BATF: variants seen among roughly 807,000 people sequenced by gnomAD.
The protein encoded by BATF is basic leucine zipper ATF-like transcription factor.
BATF carries 5 observed loss-of-function variants against 13.7 expected under a neutral mutation model. That is an observed-to-expected ratio of 0.36 (90% CI 0.19 to 0.77). The LOEUF (loss-of-function observed/expected upper bound fraction) is 0.77. Among genes scored for constraint, BATF ranks in the 30% least tolerant of loss-of-function variants. BATF has a pLI of 0.51. For synonymous variants in BATF, 72 were observed against 67.5 expected, an observed-to-expected ratio of 1.07 and a Z score of -0.33; for missense variants, 124 against 163.0, an observed-to-expected ratio of 0.76 and a Z score of 1.30.
intron 2 of BATF, among the ~76,000 whole-genome samples, chr14:75,542,022 A>T (rs1887903586): frequency 6.6e-6 from 1 of 151,788 alleles, no homozygotes; most frequent in Admixed American, 6.6e-5. Flanking sequence ...TCTCGGGGGA[A>T]GCAGTCAGTG....
intron 1 of BATF, among the ~76,000 whole-genome samples, chr14:75,524,052 A>C (rs1470511680): frequency 6.6e-6 from 1 of 152,152 alleles, no homozygotes; most frequent in Non-Finnish European, 1.5e-5. Flanking sequence ...TGGTGAGCCC[A>C]GTACTTAGTG....
chr14:75,537,514 A>C (rs935384446), intron 2 of BATF, among the ~76,000 whole-genome samples: 4 of 152,258 alleles, frequency 2.6e-5, no homozygotes, highest in Non-Finnish European at 2.9e-5. Context: ...CACTGAGAAC[A>C]AAACAGTGAA....
At chr14:75,535,896 T>C (rs912596069) in intron 2 of BATF, among the ~76,000 whole-genome samples, 1 of 152,166 alleles carries the variant, frequency 6.6e-6, no homozygotes, top group Non-Finnish European at 1.5e-5. Flanking sequence ...AAAAGGGTAC[T>C]CAGCTGGCAT....
At chr14:75,545,216 AT>A (rs1308374899) in intron 2 of BATF, among the ~76,000 whole-genome samples, 7 of 151,332 alleles carry the variant, frequency 4.6e-5, no homozygotes, top group African/African-American at 1.7e-4. Context: ...TATTTATTTC[AT>A]TTTTATTTTT....
chr14:75,526,074 A>G (rs947375086), intron 2 of BATF, among the ~76,000 whole-genome samples: 1 of 152,182 alleles, frequency 6.6e-6, no homozygotes, highest in Non-Finnish European at 1.5e-5. Context: ...ATTTTTCTAG[A>G]GAAAGCTTTT....
At chr14:75,530,729 G>A (rs577062304) in intron 2 of BATF, among the ~76,000 whole-genome samples, 19 of 151,886 alleles carry the variant, frequency 1.3e-4, no homozygotes, top group African/African-American at 4.6e-4. Context: ...GGCTGGTCTC[G>A]AACTCCTGAG....
At chr14:75,539,546 G>A (rs1887866621) in intron 2 of BATF, among the ~76,000 whole-genome samples, 1 of 140,924 alleles carries the variant, frequency 7.1e-6, no homozygotes, top group Non-Finnish European at 1.5e-5. Flanking sequence ...TTTCACATTT[G>A]AGGGCAATGA....
Position 75,546,625 on chromosome 14 carries a change from A to T in BATF, c.332A>T (p.His111Leu). 1 of 1,613,070 alleles carries T rather than the reference A, an allele frequency of 6.2e-7. No homozygotes were observed. Among genetic ancestry groups the T allele is most frequent in the Non-Finnish European group, 8.5e-7 (1 of 1,179,592 alleles). ...CCCCCCGAGGTGGTGTACAGCGCCC[A>T]CGCATTCCACCAACCTCATGTCAGC... Reference protein sequence around the residue: ...PSPPEVVYSAHAFHQPHVSSP... With the variant: ...PSPPEVVYSALAFHQPHVSSP... The change falls in exon 3 of 3, where the codon CAC (histidine) becomes CTC (leucine). Residue 111 changes from histidine (H) to leucine (L), a missense_variant. This residue lies in a region of BATF where 59 missense variants were observed against 49.7 expected (regional missense o/e 1.19). Coordinates refer to ENST00000286639, the MANE Select transcript of BATF (RefSeq NM_006399.5).
chr14:75,522,594 C>A lies in BATF; in HGVS notation c.-89C>A. 6.6e-7 allele frequency: 1 copy of A among 1,507,786 alleles called. No individual in the cohort carries two copies. The highest frequency in any genetic ancestry group is 9.2e-7 in the Non-Finnish European group (1 of 1,086,474). 93.4% of individuals were successfully genotyped at this position (1,507,786 alleles called of 1,614,324 possible). ...CTGTAGGGGGTGGTGGGCTGGTGGC[C>A]CAGGAGAAGTCAGGAAGGGAGCCCA... On this transcript the variant is annotated 5_prime_UTR_variant, in exon 1 of 3. Transcript: ENST00000286639.
rs571955330 is a variant in BATF, at chr14:75,533,919, CTT to C, written c.168+8733_168+8734del. On this transcript the variant is annotated intron_variant, in intron 2 of 2. Coordinates refer to ENST00000286639, the MANE Select transcript of BATF (RefSeq NM_006399.5). ...ACCAGTCTGCTTTTGTTTCATGCCACTTTGCTGAACAGAGCTTTACTAGGCAG... is the reference window on the plus strand; with the variant it reads ...ACCAGTCTGCTTTTGTTTCATGCCACTGCTGAACAGAGCTTTACTAGGCAG... Among the ~76,000 whole-genome samples the C allele has an allele frequency of 3.5e-4, 53 of 152,274 alleles. No individual in the cohort carries two copies. The East Asian group carries it at 9.8e-3, about 28-fold the overall frequency.
chr14:75,540,066 C>T (rs1419369049), intron 2 of BATF, among the ~76,000 whole-genome samples: 1 of 152,120 alleles, frequency 6.6e-6, no homozygotes, highest in Admixed American at 6.5e-5. Context: ...AGAAAATACA[C>T]AGGGACTATT....
chr14:75,522,500 T>TC lies in BATF; in HGVS notation c.-180dup. On this transcript the variant is annotated 5_prime_UTR_variant, in exon 1 of 3. An upstream open reading frame in the 5' UTR loses its in-frame stop. Transcript: ENST00000286639. ...AGCGACATGTCCCTTTGGGGAGCAGTCCCTCTGCACCCCAGAGTGAGGAGG... is the reference window on the plus strand; with the variant it reads ...AGCGACATGTCCCTTTGGGGAGCAGTCCCCTCTGCACCCCAGAGTGAGGAGG... 3.3e-6 allele frequency: 2 copies of TC among 605,292 alleles called. No individual in the cohort carries two copies. Among genetic ancestry groups the TC allele is most frequent in the South Asian group, 2.0e-5 (1 of 50,192 alleles). The allele number at this position is 605,292 out of a possible 1,614,324, so 37.5% of individuals were successfully genotyped here.
At chr14:75,542,206 C>T (rs538335338) in intron 2 of BATF, among the ~76,000 whole-genome samples, 2 of 152,318 alleles carry the variant, frequency 1.3e-5, no homozygotes, top group Middle Eastern at 3.4e-3. Context: ...GGGTATGTGG[C>T]ATAGGTTTGT....
chr14:75,543,434 G>C (rs1228406746), intron 2 of BATF, among the ~76,000 whole-genome samples: 1 of 152,020 alleles, frequency 6.6e-6, no homozygotes, highest in Non-Finnish European at 1.5e-5. Flanking sequence ...AGGCCATGTT[G>C]GTATATGCTT....
intron 2 of BATF, among the ~76,000 whole-genome samples, chr14:75,529,103 G>A (rs1887695294): frequency 6.6e-6 from 1 of 152,074 alleles, no homozygotes; most frequent in South Asian, 2.1e-4. Flanking sequence ...AACTAGATTA[G>A]CTATTCTAAG....
intron 2 of BATF, among the ~76,000 whole-genome samples, chr14:75,532,626 G>A (rs992873180): frequency 6.6e-6 from 1 of 152,202 alleles, no homozygotes; most frequent in Non-Finnish European, 1.5e-5. Context: ...ATCATTATCT[G>A]TGAATAGTAA....
In BATF at chr14:75,546,730, C is replaced by T. The variant is rs2140044970; in HGVS notation, c.*59C>T. ...GGGCACACAGACTGTGGCAGAGCTG[C>T]GCCCATCCCGCAGAGGCCCCTGTCC... On this transcript the variant is annotated 3_prime_UTR_variant, in exon 3 of 3. Coordinates refer to ENST00000286639, the MANE Select transcript of BATF (RefSeq NM_006399.5). 2 of 1,481,448 alleles carry T rather than the reference C, an allele frequency of 1.4e-6. No homozygotes were observed. The highest frequency in any genetic ancestry group is 1.4e-5 in the African/African-American group (1 of 71,664). 91.8% of individuals were successfully genotyped at this position (1,481,448 alleles called of 1,614,324 possible). A position where few individuals can be genotyped will look rare whatever the true frequency, so the allele number is the denominator to read the frequency against.
At chr14:75,522,831 G>A in intron 1 of BATF, 86 bp downstream of exon 1, 1 of 1,549,628 alleles carries the variant, frequency 6.5e-7, no homozygotes, top group Non-Finnish European at 8.9e-7. Flanking sequence ...TGCCCAGGGA[G>A]CTGAGGATGG....
chr14:75,523,297 G>T (rs1464763152), intron 1 of BATF, among the ~76,000 whole-genome samples: 1 of 152,140 alleles, frequency 6.6e-6, no homozygotes, highest in African/African-American at 2.4e-5. Context: ...CTCTACTGGG[G>T]CACTGCCTCT....
Sources: gnomAD v4.1 joint callset for allele counts (sites outside exome capture counted in the v4.1 genomes callset) on GRCh38, gnomAD v4.1.1 for gene constraint, gnomAD v4.1.1 regional missense constraint, MANE v1.5 for transcripts, NCBI Gene and HGNC (gene_info 2026-07-23, HGNC 2026-07-21) for gene names.